ASAP1: variants seen among roughly 807,000 people sequenced by gnomAD.
ASAP1 encodes arf-GAP with SH3 domain, ANK repeat and PH domain-containing protein 1.
A neutral mutation model predicts 145.2 loss-of-function variants in ASAP1; 43 were observed. The observed-to-expected ratio is 0.30, with a 90% CI of 0.23 to 0.38. The LOEUF is 0.38. Among genes scored for constraint, ASAP1 ranks in the 10% least tolerant of loss-of-function variants. The pLI is 1.00. For synonymous variants in ASAP1, 546 were observed against 515.5 expected (o/e 1.06, Z -0.80); for missense variants, 1,018 against 1,355.3 (o/e 0.75, Z 3.91).
chr8:130,126,037 A>T lies in ASAP1; in HGVS notation c.1434T>A (p.Ser478=), dbSNP rs1252279231. Reference sequence around the variant, plus strand: ...GAACCCCCATTTCCCTATGGATGCCAGAACATTCTATACAGGTCAAAATAC... The same window carrying T: ...GAACCCCCATTTCCCTATGGATGCCTGAACATTCTATACAGGTCAAAATAC... The part of the protein sequence containing the change: ...NLGILTCIEC[S]GIHREMGVHI... Residue 478 remains serine, a synonymous_variant, in exon 17 of 30, where the codon TCT becomes TCA. Coordinates refer to ENST00000518721, the MANE Select transcript of ASAP1 (RefSeq NM_018482.4). 3.7e-6 allele frequency: 6 copies of T among 1,614,088 alleles called. No individual in the cohort carries two copies. The highest frequency in any genetic ancestry group is 1.7e-5 in the Admixed American group (1 of 60,014).
intron 7 of ASAP1, among the ~76,000 whole-genome samples, chr8:130,182,605 C>T (rs375219422): frequency 4.6e-5 from 7 of 152,120 alleles, no homozygotes; most frequent in East Asian, 3.9e-4. Flanking sequence ...TCTAATGATG[C>T]ATATAAACTT....
intron 5 of ASAP1, among the ~76,000 whole-genome samples, chr8:130,213,404 G>A (rs1816704785): frequency 6.6e-6 from 1 of 152,182 alleles, no homozygotes; most frequent in Non-Finnish European, 1.5e-5. Context: ...TAGGTTAATG[G>A]AGTGTAGAAA....
At chr8:130,238,575 C>T (rs182914187) in intron 3 of ASAP1, among the ~76,000 whole-genome samples, 1 of 152,210 alleles carries the variant, frequency 6.6e-6, no homozygotes, top group African/African-American at 2.4e-5. Flanking sequence ...TACTAGACAT[C>T]AGGTATAAAA....
intron 3 of ASAP1, among the ~76,000 whole-genome samples, chr8:130,309,121 T>G (rs1239558189): frequency 2.0e-5 from 3 of 152,004 alleles, no homozygotes; most frequent in Admixed American, 2.0e-4. Context: ...CATCAAAGAG[T>G]GGGCTAGGCA....
At chr8:130,129,443 A>G (rs1303889825) in intron 15 of ASAP1, among the ~76,000 whole-genome samples, 3 of 152,252 alleles carry the variant, frequency 2.0e-5, no homozygotes, top group Admixed American at 6.5e-5. Context: ...TTTCAAAACT[A>G]TAATGAACTT....
rs748822682 is a variant in ASAP1, at chr8:130,079,908, T to G, written c.2636A>C (p.Gln879Pro). 3 of 1,614,088 alleles carry G rather than the reference T, an allele frequency of 1.9e-6. No individual in the cohort carries two copies. Among genetic ancestry groups the G allele is most frequent in the Non-Finnish European group, 8.5e-7 (1 of 1,179,908 alleles). The change falls in exon 26 of 30, where the codon CAG becomes CCG. Residue 879 changes from glutamine (Q) to proline (P), a missense_variant. Physicochemically the swap from Gln to Pro is moderately conservative, Grantham distance 76. Transcript: ENST00000518721. The stretch of plus-strand genomic sequence containing the variant: ...AAGCGCTGAGATGGCTTACCTCGAC[T>G]GCTGGGATAGTCCCTCAAACTTGTT... ...TTNKFEGLSQ[Q>P]SSTSSAKTAL...
intron 3 of ASAP1, among the ~76,000 whole-genome samples, chr8:130,297,648 G>A (rs1822369498): frequency 6.6e-6 from 1 of 151,964 alleles, no homozygotes; most frequent in African/African-American, 2.4e-5. Context: ...ACTGCTCCCT[G>A]CCACTCACCA....
At chr8:130,286,218 T>C (rs1821602472) in intron 3 of ASAP1, among the ~76,000 whole-genome samples, 1 of 152,218 alleles carries the variant, frequency 6.6e-6, no homozygotes. Context: ...TGAAGTACAT[T>C]GCACTGTTTC....
At chr8:130,413,271 C>G (rs550352512) in intron 1 of ASAP1, among the ~76,000 whole-genome samples, 1 of 152,334 alleles carries the variant, frequency 6.6e-6, no homozygotes, top group South Asian at 2.1e-4. Context: ...AAAAAAAGAT[C>G]TTTAACACAC....
chr8:130,256,795 A>G (rs1438831200), intron 3 of ASAP1, among the ~76,000 whole-genome samples: 1 of 142,272 alleles, frequency 7.0e-6, no homozygotes, highest in African/African-American at 2.6e-5. Context: ...TTATATATAT[A>G]TAAGCTTTTA....
intron 2 of ASAP1, among the ~76,000 whole-genome samples, chr8:130,365,523 T>A (rs772172977): frequency 6.6e-6 from 1 of 152,214 alleles, no homozygotes; most frequent in Non-Finnish European, 1.5e-5. Flanking sequence ...TAAAGTCACA[T>A]TAACCTGAAA....
intron 2 of ASAP1, among the ~76,000 whole-genome samples, chr8:130,388,662 C>T (rs902869985): frequency 6.6e-5 from 10 of 152,272 alleles, no homozygotes; most frequent in South Asian, 2.1e-4. Context: ...GAAATCCAAG[C>T]CGGCTTGGTG....
intron 3 of ASAP1, among the ~76,000 whole-genome samples, chr8:130,355,494 C>T (rs1415362382): frequency 6.6e-6 from 1 of 152,026 alleles, no homozygotes; most frequent in Non-Finnish European, 1.5e-5. Flanking sequence ...TCCATATCAC[C>T]AAAAAGTACC....
chr8:130,350,507 A>G (rs1322806009), intron 3 of ASAP1, among the ~76,000 whole-genome samples: 1 of 152,196 alleles, frequency 6.6e-6, no homozygotes, highest in Non-Finnish European at 1.5e-5. Context: ...TTCCCACTTT[A>G]TAACTGGCAA....
At position 130,251,735 on chromosome 8, in the gene ASAP1, A is replaced by C. The variant is rs28428574; in HGVS notation, c.187-14741T>G. On this transcript the variant is annotated intron_variant, in intron 3 of 29. Coordinates refer to ENST00000518721, the MANE Select transcript of ASAP1 (RefSeq NM_018482.4). ...AAAGACCCAGAAGAACAGAGGGACA[A>C]AAAACATTAACACAAGAAACCGAAA... Among the ~76,000 whole-genome samples the C allele has an allele frequency of 7.6e-3, 1,152 of 152,304 alleles. 9 individuals carry two copies. The highest frequency in any genetic ancestry group is 0.013 in the Non-Finnish European group (873 of 68,018).
intron 3 of ASAP1, among the ~76,000 whole-genome samples, chr8:130,252,089 T>C (rs534230196): frequency 3.3e-5 from 5 of 152,254 alleles, no homozygotes; most frequent in South Asian, 2.1e-4. Context: ...AAGTTAGAAG[T>C]AACCTAAATC....
At chr8:130,353,515 A>G (rs567403212) in intron 3 of ASAP1, among the ~76,000 whole-genome samples, 56 of 152,306 alleles carry the variant, frequency 3.7e-4, no homozygotes, top group African/African-American at 1.3e-3. Flanking sequence ...CTATAAAGCC[A>G]CTGAAATATG....
intron 12 of ASAP1, among the ~76,000 whole-genome samples, chr8:130,157,980 T>C (rs2097661276): frequency 6.6e-6 from 1 of 152,216 alleles, no homozygotes. Flanking sequence ...TGTTCAATGC[T>C]GTATTCTCAG....
chr8:130,195,636 T>C (rs1456663999), intron 5 of ASAP1, among the ~76,000 whole-genome samples: 1 of 152,202 alleles, frequency 6.6e-6, no homozygotes, highest in Non-Finnish European at 1.5e-5. Context: ...CCCCTGCTAG[T>C]ACATACATCA....
Sources: gnomAD v4.1 joint callset for allele counts (sites outside exome capture counted in the v4.1 genomes callset) on GRCh38, gnomAD v4.1.1 for gene constraint, MANE v1.5 for transcripts, NCBI Gene and HGNC (gene_info 2026-07-23, HGNC 2026-07-21) for gene names.